The following MKLN1 variants were observed in gnomAD, a reference collection of about 807,000 sequenced individuals.
MKLN1 encodes the protein muskelin.
Under a neutral mutation model 99.0 loss-of-function variants are expected in MKLN1, and 18 were observed. That is an observed-to-expected ratio of 0.18 (90% CI 0.13 to 0.27). The LOEUF is 0.27. Among genes scored for constraint, MKLN1 ranks in the 10% least tolerant of loss-of-function variants. The pLI, the probability that MKLN1 is intolerant of heterozygous loss-of-function variation, is 1.00. For synonymous variants in MKLN1, 288 were observed against 293.2 expected (o/e 0.98, Z 0.18); for missense variants, 621 against 875.9 (o/e 0.71, Z 3.67).
chr7:131,388,997 G>C (rs1410155456), intron 4 of MKLN1, 25 bp downstream of exon 4: 1 of 1,505,936 alleles, frequency 6.6e-7, no homozygotes, highest in Non-Finnish European at 9.2e-7. Flanking sequence ...TTCTGAAATA[G>C]AAACAAATTC....
intron 3 of MKLN1, among the ~76,000 whole-genome samples, chr7:131,316,801 C>G (rs747142296): frequency 2.0e-5 from 3 of 152,016 alleles, no homozygotes; most frequent in Admixed American, 6.6e-5. Flanking sequence ...ACAAGAACTT[C>G]CTGAAGCATA....
rs984891913 is a variant in MKLN1 at position 131,437,920 on chromosome 7, A to C, written c.1096A>C (p.Ile366Leu). The change falls in exon 10 of 18, where the codon ATT (isoleucine) becomes CTT (leucine). Residue 366 changes from isoleucine to leucine, a missense_variant. By Grantham distance (5) the Ile-to-Leu change is conservative. Transcript: ENST00000352689. ...SLKSDFYRYDIDTNTWMLLSE... is the reference protein window; with the variant it reads ...SLKSDFYRYDLDTNTWMLLSE... ...GAAAAGTGACTTCTATCGTTATGACATTGATACAAACACATGGATGTTACT... is the reference window on the plus strand; with the variant it reads ...GAAAAGTGACTTCTATCGTTATGACCTTGATACAAACACATGGATGTTACT... The C allele has an allele frequency of 6.2e-7, 1 of 1,613,900 alleles. No individual in the cohort carries two copies. Among genetic ancestry groups the C allele is most frequent in the African/African-American group, 1.3e-5 (1 of 74,922 alleles).
intron 1 of MKLN1, among the ~76,000 whole-genome samples, chr7:131,349,352 C>T (rs1392718989): frequency 1.3e-5 from 2 of 152,094 alleles, no homozygotes; most frequent in Non-Finnish European, 2.9e-5. Context: ...CGTGCCACCA[C>T]GCCCAGCTAA....
At chr7:131,148,024 G>GT (rs2116277478) in intron 2 of MKLN1, among the ~76,000 whole-genome samples, 1 of 152,224 alleles carries the variant, frequency 6.6e-6, no homozygotes, top group East Asian at 1.9e-4. Flanking sequence ...GGTATTCAGG[G>GT]TTTTTTCAGG....
intron 7 of MKLN1, among the ~76,000 whole-genome samples, chr7:131,414,271 A>G (rs967615644): frequency 1.3e-5 from 2 of 152,218 alleles, no homozygotes; most frequent in African/African-American, 2.4e-5. Context: ...AACTATGCCT[A>G]GAATATATAC....
chr7:131,287,811 G>A (rs111904768), intron 3 of MKLN1, among the ~76,000 whole-genome samples: 9,315 of 152,064 alleles, frequency 0.061, 387 homozygotes, highest in East Asian at 0.16. Context: ...CATGGGGGAG[G>A]TTCCCCCCAT....
chr7:131,386,227 C>T (rs1041697185), intron 2 of MKLN1, among the ~76,000 whole-genome samples: 9 of 151,892 alleles, frequency 5.9e-5, no homozygotes, highest in African/African-American at 1.2e-4. Context: ...TTGGCCAGGC[C>T]GGTCTCAAAC....
At chr7:131,127,388 G>A (rs1487849547) in intron 1 of MKLN1, among the ~76,000 whole-genome samples, 4 of 152,088 alleles carry the variant, frequency 2.6e-5, no homozygotes, top group African/African-American at 7.2e-5. Context: ...GAGAGTGGGC[G>A]AGTACGACTG....
chr7:131,293,967 G>C (rs2116604882), intron 3 of MKLN1, among the ~76,000 whole-genome samples: 1 of 152,100 alleles, frequency 6.6e-6, no homozygotes, highest in African/African-American at 2.4e-5. Context: ...GTGAATTCAG[G>C]CTCTTTAGCA....
intron 6 of MKLN1, among the ~76,000 whole-genome samples, chr7:131,410,210 G>A (rs1794835620): frequency 6.6e-6 from 1 of 152,104 alleles, no homozygotes. Context: ...AGTAGATTAT[G>A]AGTTTATCAA....
At chr7:131,275,229 T>C (rs993235178) in intron 3 of MKLN1, among the ~76,000 whole-genome samples, 4 of 152,020 alleles carry the variant, frequency 2.6e-5, no homozygotes, top group African/African-American at 9.7e-5. Flanking sequence ...CTTGCTTGCA[T>C]TGCAGAAAGA....
chr7:131,227,205 A>T (rs188467307), intron 3 of MKLN1, among the ~76,000 whole-genome samples: 60 of 152,296 alleles, frequency 3.9e-4, no homozygotes, highest in Admixed American at 9.8e-4. Flanking sequence ...GCGTCTTATC[A>T]GAACGTTCTT....
chr7:131,162,658 T>C (rs1017697665), intron 2 of MKLN1, among the ~76,000 whole-genome samples: 8 of 152,242 alleles, frequency 5.3e-5, no homozygotes, highest in Non-Finnish European at 7.3e-5. Flanking sequence ...ATCTCATTTA[T>C]GTATATGCAG....
chr7:131,373,789 A>G (rs185759800), intron 1 of MKLN1, among the ~76,000 whole-genome samples: 3 of 152,318 alleles, frequency 2.0e-5, no homozygotes, highest in East Asian at 3.9e-4. Flanking sequence ...GTACACTACT[A>G]TTAACTAAAT....
chr7:131,177,484 A>G (rs1796316967), intron 2 of MKLN1, among the ~76,000 whole-genome samples: 1 of 151,890 alleles, frequency 6.6e-6, no homozygotes, highest in Admixed American at 6.6e-5. Context: ...AAAAAAAAAA[A>G]AGATTGCATA....
intron 2 of MKLN1, among the ~76,000 whole-genome samples, chr7:131,160,495 T>A (rs1257073109): frequency 2.0e-4 from 8 of 39,304 alleles, no homozygotes; most frequent in East Asian, 4.2e-4. Flanking sequence ...TATTATTAAT[T>A]ATTATTATTA....
chr7:131,290,674 A>T (rs559846074), intron 3 of MKLN1, among the ~76,000 whole-genome samples: 1 of 152,366 alleles, frequency 6.6e-6, no homozygotes, highest in East Asian at 1.9e-4. Context: ...AATAGAGATG[A>T]TCTCCCTTCC....
At chr7:131,202,303 A>T (rs1028902780) in intron 2 of MKLN1, among the ~76,000 whole-genome samples, 4 of 151,434 alleles carry the variant, frequency 2.6e-5, no homozygotes, top group African/African-American at 9.7e-5. Flanking sequence ...TTTAGTAGAG[A>T]CAGGGGTTTC....
chr7:131,283,346 C>T (rs56920788), intron 3 of MKLN1, among the ~76,000 whole-genome samples: 17,429 of 51,084 alleles, frequency 0.34, 2,641 homozygotes, highest in Non-Finnish European at 0.39. Context: ...TTCCCTTCCC[C>T]TCCTTCCTTC....
Sources: allele counts gnomAD v4.1 joint callset (sites outside exome capture counted in the v4.1 genomes callset), GRCh38; gene constraint gnomAD v4.1.1; transcripts MANE v1.5; gene names NCBI Gene and HGNC (gene_info 2026-07-23, HGNC 2026-07-21).